Variants in ELMO1 observed in about 807,000 individuals in gnomAD.
ELMO1 encodes engulfment and cell motility 1.
A neutral mutation model predicts 98.9 loss-of-function variants in ELMO1; 26 were observed. The observed-to-expected ratio is 0.26, with a 90% CI of 0.19 to 0.36. ELMO1 has a LOEUF of 0.36. Ranked by LOEUF, ELMO1 falls within the 10% of genes least tolerant of loss-of-function variation. ELMO1 has a pLI of 1.00. For synonymous variants in ELMO1, 346 were observed against 346.0 expected, an observed-to-expected ratio of 1.00 and a Z score of 0.00; for missense variants, 627 against 935.2, an observed-to-expected ratio of 0.67 and a Z score of 4.30.
chr7:37,367,188 C>G (rs775631196), intron 1 of ELMO1, among the ~76,000 whole-genome samples: 1 of 152,220 alleles, frequency 6.6e-6, no homozygotes, highest in Non-Finnish European at 1.5e-5. Context: ...ATTTGGGACT[C>G]AGACCAAAGG....
chr7:36,981,010 G>T (rs1791004084), intron 16 of ELMO1, among the ~76,000 whole-genome samples: 1 of 151,884 alleles, frequency 6.6e-6, no homozygotes, highest in African/African-American at 2.4e-5. Context: ...TGTCCAAAAT[G>T]CAGGAAATGG....
intron 1 of ELMO1, among the ~76,000 whole-genome samples, chr7:37,361,172 AAAAC>A (rs758032040): frequency 2.6e-4 from 40 of 152,362 alleles, no homozygotes; most frequent in Non-Finnish European, 4.9e-4. Context: ...AAGAGAAATG[AAAAC>A]AAAGATAGGT....
rs569715619 is a variant in ELMO1 at position 37,275,604 on chromosome 7, C to G, written c.193-3722G>C. ...GAGGAAACGGACGCAGGCACTGCATCTAGACTCCAACTGGCTCAAGAATGA... is the reference window on the plus strand; with the variant it reads ...GAGGAAACGGACGCAGGCACTGCATGTAGACTCCAACTGGCTCAAGAATGA... On this transcript the variant is annotated intron_variant, in intron 4 of 21. Transcript: ENST00000310758. Among the ~76,000 whole-genome samples, 170 of 152,304 alleles carry G rather than the reference C, an allele frequency of 1.1e-3. 1 individual carries two copies. The highest frequency in any genetic ancestry group is 3.9e-3 in the African/African-American group (162 of 41,572).
intron 20 of ELMO1, among the ~76,000 whole-genome samples, chr7:36,863,071 C>T (rs1237545413): frequency 6.6e-6 from 1 of 152,192 alleles, no homozygotes; most frequent in African/African-American, 2.4e-5. Flanking sequence ...TCTGGTTCAC[C>T]TCCAGCTGTC....
chr7:36,905,846 C>A (rs1320837640), intron 16 of ELMO1, among the ~76,000 whole-genome samples: 1 of 152,166 alleles, frequency 6.6e-6, no homozygotes, highest in Admixed American at 6.5e-5. Context: ...GATAAATTAG[C>A]CTTGAACTCC....
intron 14 of ELMO1, among the ~76,000 whole-genome samples, chr7:37,113,062 T>C (rs577771945): frequency 1.3e-5 from 2 of 152,352 alleles, no homozygotes; most frequent in African/African-American, 2.4e-5. Flanking sequence ...CATACCGATA[T>C]AGTTTCTAAT....
intron 18 of ELMO1, among the ~76,000 whole-genome samples, chr7:36,885,226 A>C (rs558870203): frequency 1.1e-4 from 17 of 152,268 alleles, no homozygotes; most frequent in East Asian, 5.8e-4. Context: ...TCAACTCATA[A>C]ATTTATAATC....
At chr7:37,047,808 T>C (rs1007678981) in intron 15 of ELMO1, among the ~76,000 whole-genome samples, 3 of 152,178 alleles carry the variant, frequency 2.0e-5, no homozygotes, top group African/African-American at 7.2e-5. Context: ...ATCAGATAAG[T>C]ATCTCCAGGA....
intron 15 of ELMO1, among the ~76,000 whole-genome samples, chr7:37,080,600 ATTTTTTTTTTTTT>A (rs764259726): frequency 1.9e-5 from 2 of 105,236 alleles, no homozygotes; most frequent in East Asian, 2.7e-4. Flanking sequence ...ACCACGCCTA[ATTTTTTTTTTTTT>A]TTTTTTTTTT....
chr7:37,236,728 G>T (rs1056086923), intron 7 of ELMO1, among the ~76,000 whole-genome samples: 7 of 152,130 alleles, frequency 4.6e-5, no homozygotes, highest in African/African-American at 1.7e-4. Flanking sequence ...CAGTTGCAAA[G>T]AAAGGATGGC....
chr7:37,211,193 A>C, intron 13 of ELMO1, 193 bp downstream of exon 13: 1 of 713,434 alleles, frequency 1.4e-6, no homozygotes. Context: ...CACTTGTGCA[A>C]GTTATTCCAT....
intron 16 of ELMO1, among the ~76,000 whole-genome samples, chr7:36,898,492 T>C (rs1049055367): frequency 2.0e-5 from 3 of 152,070 alleles, no homozygotes; most frequent in Non-Finnish European, 1.5e-5. Context: ...AAAGTGAGAG[T>C]CCCACAAGAC....
chr7:37,407,672 A>C (rs538626981), intron 1 of ELMO1, among the ~76,000 whole-genome samples: 1 of 152,196 alleles, frequency 6.6e-6, no homozygotes, highest in African/African-American at 2.4e-5. Flanking sequence ...ATGCAGTGAG[A>C]GAGGGATGCA....
At chr7:37,140,192 G>A (rs1410713449) in intron 13 of ELMO1, among the ~76,000 whole-genome samples, 1 of 150,188 alleles carries the variant, frequency 6.7e-6, no homozygotes, top group Non-Finnish European at 1.5e-5. Context: ...TGGCTAACAT[G>A]ATGAAACCCC....
chr7:37,076,416 T>C (rs1204903267), intron 15 of ELMO1, among the ~76,000 whole-genome samples: 2 of 152,114 alleles, frequency 1.3e-5, no homozygotes, highest in Non-Finnish European at 2.9e-5. Context: ...TCCGATGAAG[T>C]AAGAATAAAG....
At chr7:37,425,540 C>T (rs960933926) in intron 1 of ELMO1, among the ~76,000 whole-genome samples, 2 of 152,200 alleles carry the variant, frequency 1.3e-5, no homozygotes, top group South Asian at 4.1e-4. Context: ...TCCCAGCATG[C>T]TTGGCACATG....
chr7:37,077,476 A>C (rs1398858300), intron 15 of ELMO1, among the ~76,000 whole-genome samples: 1 of 152,212 alleles, frequency 6.6e-6, no homozygotes, highest in Non-Finnish European at 1.5e-5. Flanking sequence ...ATCATGGCCC[A>C]ATGGGAGTTT....
chr7:37,441,142 GA>G (rs757128289), intron 1 of ELMO1, among the ~76,000 whole-genome samples: 387 of 138,498 alleles, frequency 2.8e-3, no homozygotes, highest in Middle Eastern at 0.011. Context: ...ATTCTGAACT[GA>G]AAAAAAAAAA....
Position 36,855,430 on chromosome 7 carries a change from A to C in ELMO1, c.*121T>G. On this transcript the variant is annotated 3_prime_UTR_variant, in exon 22 of 22. Transcript: ENST00000310758. This position sits in a 1 kb window ranked among gnomAD's most constrained non-coding sequence, Gnocchi z 4.2. ...AGGGCTAGAGGTGATGCTGAAGGGAATGTGGACCCACAGCTTCCCTTTACC... is the reference window on the plus strand; with the variant it reads ...AGGGCTAGAGGTGATGCTGAAGGGACTGTGGACCCACAGCTTCCCTTTACC... 7.9e-7 allele frequency: 1 copy of C among 1,259,028 alleles called. No homozygotes were observed. The highest frequency in any genetic ancestry group is 1.1e-6 in the Non-Finnish European group (1 of 880,570). 78.0% of individuals were successfully genotyped at this position (1,259,028 alleles called of 1,614,324 possible). A position where few individuals can be genotyped will look rare whatever the true frequency, so the allele number is the denominator to read the frequency against.
Sources: allele counts gnomAD v4.1 joint callset (sites outside exome capture counted in the v4.1 genomes callset), GRCh38; gene constraint gnomAD v4.1.1; non-coding constraint Gnocchi (gnomAD v3.1); transcripts MANE v1.5; gene names NCBI Gene and HGNC (gene_info 2026-07-23, HGNC 2026-07-21).